PRR23D2: variants seen among roughly 807,000 people sequenced by gnomAD.
The protein encoded by PRR23D2 is proline-rich protein 23D2.
chr8:7,782,883 TGAG>T (rs1175675501), upstream of PRR23D2, among the ~76,000 whole-genome samples: 1 of 134,020 alleles, frequency 7.5e-6, no homozygotes, highest in African/African-American at 2.8e-5. Flanking sequence ...TGATAATTTC[TGAG>T]GAGAACAGCA....
chr8:7,783,958 T>TCCTCCTCCCTGGCCTGAGGAAGGCG (rs1563433586), upstream of PRR23D2, among the ~76,000 whole-genome samples: 1 of 146,188 alleles, frequency 6.8e-6, no homozygotes, highest in Non-Finnish European at 1.5e-5. Context: ...GGGCGGCGCC[T>TCCTCCTCCCTGGCCTGAGGAAGGCG]CCTCCTCCCT....
At chr8:7,783,145 T>G (rs4370546), upstream of PRR23D2, among the ~76,000 whole-genome samples, 10,805 of 141,458 alleles carry the variant, frequency 0.076, 21 homozygotes, top group African/African-American at 0.13. Context: ...AAATATATAT[T>G]CTACCTTTAT....
upstream of PRR23D2, among the ~76,000 whole-genome samples, chr8:7,782,869 A>AT (rs1480450856): frequency 1.6e-5 from 2 of 127,494 alleles, no homozygotes; most frequent in African/African-American, 5.9e-5. Context: ...TGCTTTGGGG[A>AT]TTTTGATAAT....
At chr8:7,781,886 TA>T (rs753020484), upstream of PRR23D2, among the ~76,000 whole-genome samples, 9,106 of 61,910 alleles carry the variant, frequency 0.15, 2,253 homozygotes, top group Non-Finnish European at 0.21. Flanking sequence ...TTATATAATT[TA>T]AATGATCTCT....
At chr8:7,783,111 G>T (rs1313165765), upstream of PRR23D2, among the ~76,000 whole-genome samples, 1 of 152,280 alleles carries the variant, frequency 6.6e-6, no homozygotes, top group African/African-American at 2.4e-5. Flanking sequence ...ACCAGTACAA[G>T]AATAAAAATA....
upstream of PRR23D2, among the ~76,000 whole-genome samples, chr8:7,782,082 A>G (rs2128916142): frequency 1.4e-5 from 1 of 73,432 alleles, no homozygotes; most frequent in African/African-American, 4.6e-5. Context: ...GAGGGCTGAC[A>G]GTATTTTTAA....
upstream of PRR23D2, among the ~76,000 whole-genome samples, chr8:7,783,947 A>C (rs1187957429): frequency 1.4e-5 from 2 of 148,066 alleles, no homozygotes; most frequent in African/African-American, 4.9e-5. Flanking sequence ...CCCCAAAGCC[A>C]GGGCGGCGCC....
upstream of PRR23D2, among the ~76,000 whole-genome samples, chr8:7,783,388 TG>T (rs1224638135): frequency 3.1e-5 from 4 of 129,710 alleles, no homozygotes; most frequent in Non-Finnish European, 6.6e-5. Flanking sequence ...ATTAAAGACG[TG>T]GCTCTTGCCG....
chr8:7,783,992 TCTTC>T (rs1319358674), upstream of PRR23D2, among the ~76,000 whole-genome samples: 1 of 136,682 alleles, frequency 7.3e-6, no homozygotes, highest in African/African-American at 2.5e-5. Flanking sequence ...GAAGTTCCCT[TCTTC>T]CTTGGCGATC....
At chr8:7,783,981 G>A (rs1816542165), upstream of PRR23D2, among the ~76,000 whole-genome samples, 1 of 141,156 alleles carries the variant, frequency 7.1e-6, no homozygotes, top group African/African-American at 2.5e-5. Flanking sequence ...CCTGAGGAAG[G>A]GAAGTTCCCT....
chr8:7,783,111 G>C (rs1313165765), upstream of PRR23D2, among the ~76,000 whole-genome samples: 1 of 152,282 alleles, frequency 6.6e-6, no homozygotes. Context: ...ACCAGTACAA[G>C]AATAAAAATA....
upstream of PRR23D2, among the ~76,000 whole-genome samples, chr8:7,783,114 T>A (rs1585666166): frequency 6.6e-6 from 1 of 152,404 alleles, no homozygotes; most frequent in South Asian, 2.1e-4. Context: ...AGTACAAGAA[T>A]AAAAATATGA....
chr8:7,783,122 T>C (rs1166345677), upstream of PRR23D2, among the ~76,000 whole-genome samples: 1 of 152,290 alleles, frequency 6.6e-6, no homozygotes, highest in African/African-American at 2.4e-5. Flanking sequence ...AATAAAAATA[T>C]GAGGGACGTG....
upstream of PRR23D2, among the ~76,000 whole-genome samples, chr8:7,783,587 C>T (rs1208673342): frequency 4.6e-5 from 4 of 87,206 alleles, no homozygotes; most frequent in Admixed American, 1.4e-4. Context: ...CGCCGTGCCC[C>T]GGCCACATAC....
At chr8:7,783,898 ACAG>A (rs1227459190), upstream of PRR23D2, among the ~76,000 whole-genome samples, 57 of 151,090 alleles carry the variant, frequency 3.8e-4, 2 homozygotes, top group East Asian at 9.6e-3. Flanking sequence ...AGGGCTGTGA[ACAG>A]CAGCGTTTTC....
At chr8:7,783,896 G>T (rs1585666843), upstream of PRR23D2, among the ~76,000 whole-genome samples, 1 of 151,012 alleles carries the variant, frequency 6.6e-6, no homozygotes, top group African/African-American at 2.4e-5. Context: ...GTAGGGCTGT[G>T]AACAGCAGCG....
In PRR23D2 at chr8:7,779,210, AC is replaced by A. The variant is rs1338613565; in HGVS notation, c.790del (p.Val264PhefsTer83). On this transcript the variant is annotated frameshift_variant, in exon 4 of 4. Coordinates refer to ENST00000528972, the MANE Select transcript of PRR23D2 (RefSeq NM_001282478.1). LOFTEE classifies it high-confidence loss of function. ...PSPGPQVYHRVHHRPPSRARR... is the reference protein window; with the variant it reads ...PSPGPQVYHRXHHRPPSRARR... ...TGCCCTGCTGGGAGGCCTATGGTGA[AC>A]CCTGTGATAGACCTGGGGACCAGGA... 3.5e-3 allele frequency: 8 copies of A among 2,254 alleles called. No homozygotes were observed. The African/African-American group carries it at 0.071, about 20-fold the overall frequency. The allele number at this position is 2,254 out of a possible 1,614,324, so 0.1% of individuals were successfully genotyped here. A position where few individuals can be genotyped will look rare whatever the true frequency, so the allele number is the denominator to read the frequency against.
upstream of PRR23D2, among the ~76,000 whole-genome samples, chr8:7,781,869 CATTA>C (rs1277225032): frequency 2.2e-5 from 1 of 45,448 alleles, no homozygotes. Flanking sequence ...AACATAATCA[CATTA>C]ATTTATATAA....
upstream of PRR23D2, among the ~76,000 whole-genome samples, chr8:7,783,828 T>A (rs1311295048): frequency 6.7e-6 from 1 of 149,872 alleles, no homozygotes; most frequent in Non-Finnish European, 1.5e-5. Context: ...CATTAAGTCT[T>A]TAGTGCTGTT....
Sources: gnomAD v4.1 joint callset for allele counts (sites outside exome capture counted in the v4.1 genomes callset) on GRCh38, gnomAD v4.1.1 for gene constraint, MANE v1.5 for transcripts, NCBI Gene and HGNC (gene_info 2026-07-23, HGNC 2026-07-21) for gene names.